The following HNF1A variants were observed in gnomAD, a reference collection of about 807,000 sequenced individuals.
HNF1A encodes the protein hepatocyte nuclear factor 1-alpha.
A neutral mutation model predicts 62.2 loss-of-function variants in HNF1A; 21 were observed. That is an observed-to-expected ratio of 0.34 (90% CI 0.24 to 0.49). The LOEUF (loss-of-function observed/expected upper bound fraction) is 0.49, where lower values mean the gene tolerates loss of function less well. HNF1A is among the 20% of genes least tolerant of loss of function. HNF1A has a pLI of 0.99. For missense variants in HNF1A, 687 were observed against 832.3 expected, an observed-to-expected ratio of 0.83 and a Z score of 2.15; for synonymous variants, 374 against 366.8, an observed-to-expected ratio of 1.02 and a Z score of -0.22.
chr12:120,993,729 G>T, intron 3 of HNF1A, 23 bp downstream of exon 3: 2 of 1,612,176 alleles, frequency 1.2e-6, no homozygotes, highest in Non-Finnish European at 1.7e-6. Context: ...GCGGGAAACA[G>T]TGCTGGTTTG....
Position 120,996,940 on chromosome 12 carries a change from A to G in HNF1A, c.1309+198A>G, listed in dbSNP as rs770986131. The stretch of plus-strand genomic sequence containing the variant: ...AACAGACCAAAATCTCAGCAACTCA[A>G]GCAGGGAGGCAGGCACTAAGCATAA... On this transcript the variant is annotated intron_variant, in intron 6 of 9. Transcript: ENST00000257555. This position sits in a 1 kb window ranked among gnomAD's most constrained non-coding sequence, Gnocchi z 4.5. 130 of 1,495,486 alleles carry G rather than the reference A, an allele frequency of 8.7e-5. No individual in the cohort carries two copies. Among genetic ancestry groups the G allele is most frequent in the Middle Eastern group, 6.8e-4 (4 of 5,870 alleles). The allele number at this position is 1,495,486 out of a possible 1,614,324, so 92.6% of individuals were successfully genotyped here.
At position 120,999,754 on chromosome 12, in the gene HNF1A, A is replaced by G. The variant is rs564126052; in HGVS notation, c.1768+127A>G. 26 of 1,263,754 alleles carry G rather than the reference A, an allele frequency of 2.1e-5. No individual in the cohort carries two copies. In the Admixed American group the frequency reaches 4.1e-4, roughly 20 times the overall value. The allele number at this position is 1,263,754 out of a possible 1,614,324, so 78.3% of individuals were successfully genotyped here. A position where few individuals can be genotyped will look rare whatever the true frequency, so the allele number is the denominator to read the frequency against. The stretch of plus-strand genomic sequence containing the variant: ...AGCAGGCCTAGGGCTGCTGTGAGGA[A>G]GCACTGGCAGGCGTGGAGGGGTGGG... On this transcript the variant is annotated intron_variant, in intron 9 of 9. Coordinates refer to ENST00000257555, the MANE Select transcript of HNF1A (RefSeq NM_000545.8).
chr12:120,999,036 G>A (rs1163839057), intron 7 of HNF1A, among the ~76,000 whole-genome samples: 1 of 152,188 alleles, frequency 6.6e-6, no homozygotes, highest in Admixed American at 6.5e-5. Context: ...TTGGTTTCTG[G>A]CCTCCTCCAG....
At position 120,999,481 on chromosome 12, in the gene HNF1A, A is replaced by G. The variant is rs1877309778; in HGVS notation, c.1624-2A>G. The G allele has an allele frequency of 6.2e-7, 1 of 1,613,584 alleles. No homozygotes were observed. The highest frequency in any genetic ancestry group is 1.3e-5 in the African/African-American group (1 of 74,940). ...GCTCAGGAGGCTGCTCTGCTCCCCCAGGTCTTCACCTCAGACACTGAGGCC... is the reference window on the plus strand; with the variant it reads ...GCTCAGGAGGCTGCTCTGCTCCCCCGGGTCTTCACCTCAGACACTGAGGCC... On this transcript the variant is annotated splice_acceptor_variant, in intron 8 of 9. Transcript: ENST00000257555. LOFTEE classifies it high-confidence loss of function.
rs1555211426 is a variant in HNF1A, at chr12:120,988,940, C to T, written c.434C>T (p.Ser145Phe). 1 of 1,614,244 alleles carries T rather than the reference C, an allele frequency of 6.2e-7. No individual in the cohort carries two copies. The highest frequency in any genetic ancestry group is 8.5e-7 in the Non-Finnish European group (1 of 1,180,042). Residue 145 changes from serine to phenylalanine, a missense_variant, in exon 2 of 10, where the codon TCC becomes TTC. Transcript: ENST00000257555. Reference protein sequence around the residue: ...DTTGLNQSHLSQHLNKGTPMK... With the variant: ...DTTGLNQSHLFQHLNKGTPMK... The stretch of plus-strand genomic sequence containing the variant: ...ACTGGCCTCAACCAGTCCCACCTGT[C>T]CCAACACCTCAACAAGGGCACTCCC...
chr12:120,986,506 C>T lies in HNF1A; in HGVS notation c.327-2327C>T, dbSNP rs563818907. Among the ~76,000 whole-genome samples, 3 of 152,340 alleles carry T rather than the reference C, an allele frequency of 2.0e-5. No homozygotes were observed. The East Asian group carries it at 5.8e-4, about 29-fold the overall frequency. ...GGAAAGCACAGGCTTTGGAATCACG[C>T]AGACCCAAGTTCAAATCCCAGTCTG... On this transcript the variant is annotated intron_variant, in intron 1 of 9. Transcript: ENST00000257555.
rs779098731 is a variant in HNF1A at position 120,978,900 on chromosome 12, G to A, written c.132G>A (p.Leu44=). ...ACCTCCTGGCTGGAGAAGGCCCCCT[G>A]GACAAGGGGGAGTCCTGCGGCGGCG... ...GPYLLAGEGP[L]DKGESCGGGR... is the part of the protein sequence containing the mutation. The change falls in exon 1 of 10, where the codon CTG becomes CTA. Residue 44 remains leucine, a synonymous_variant. Transcript: ENST00000257555. 4.3e-6 allele frequency: 7 copies of A among 1,613,090 alleles called. No homozygotes were observed. In the East Asian group the frequency reaches 6.7e-5, roughly 15 times the overall value.
Position 120,996,480 on chromosome 12 carries a change from T to A in HNF1A, c.1108-61T>A, listed in dbSNP as rs2135845586. The stretch of plus-strand genomic sequence containing the variant: ...CCTTGGCAGGGAGATTCTGGAGCAG[T>A]CCCTAGGGAGGCCCTGTGGGGACCC... On this transcript the variant is annotated intron_variant, in intron 5 of 9. Coordinates refer to ENST00000257555, the MANE Select transcript of HNF1A (RefSeq NM_000545.8). This position sits in a 1 kb window ranked among gnomAD's most constrained non-coding sequence, Gnocchi z 4.5. 6.2e-7 allele frequency: 1 copy of A among 1,613,300 alleles called. No homozygotes were observed. The highest frequency in any genetic ancestry group is 8.5e-7 in the Non-Finnish European group (1 of 1,179,764).
rs1169291 is a variant in HNF1A at position 120,988,261 on chromosome 12, C to T, written c.327-572C>T. ...ACCATCCATCCATCCATCATCCATC[C>T]ACCCACCCACCCACCAATCCATCCA... On this transcript the variant is annotated intron_variant, in intron 1 of 9. Coordinates refer to ENST00000257555, the MANE Select transcript of HNF1A (RefSeq NM_000545.8). Among the ~76,000 whole-genome samples the T allele has an allele frequency of 3.8e-3, 172 of 45,344 alleles. 4 individuals carry two copies. Among genetic ancestry groups the T allele is most frequent in the Middle Eastern group, 0.026 (1 of 38 alleles). The allele number at this position is 45,344 out of a possible 152,430, so 29.7% of individuals were successfully genotyped here.
intron 1 of HNF1A, among the ~76,000 whole-genome samples, chr12:120,979,965 G>A (rs778727010): frequency 2.6e-4 from 40 of 152,220 alleles, no homozygotes; most frequent in Non-Finnish European, 5.0e-4. Context: ...GGGGGATGGG[G>A]GTGTGGGGGA....
chr12:120,980,089 G>A (rs567880459), intron 1 of HNF1A, among the ~76,000 whole-genome samples: 6 of 152,172 alleles, frequency 3.9e-5, no homozygotes, highest in Non-Finnish European at 7.3e-5. Context: ...CTGTGCTGAG[G>A]TTTCACAGGA....
chr12:121,001,722 G>A lies in HNF1A; in HGVS notation c.*530G>A, dbSNP rs974593946. On this transcript the variant is annotated 3_prime_UTR_variant, in exon 10 of 10. Coordinates refer to ENST00000257555, the MANE Select transcript of HNF1A (RefSeq NM_000545.8). The stretch of plus-strand genomic sequence containing the variant: ...CCAGCTAGTGACCCACATGCCATTT[G>A]TACTGACCCCATCACCTACTCACAC... The A allele has an allele frequency of 3.8e-6, 2 of 522,186 alleles. No individual in the cohort carries two copies. Among genetic ancestry groups the A allele is most frequent in the Admixed American group, 2.3e-5 (1 of 42,808 alleles). The allele number at this position is 522,186 out of a possible 1,614,324, so 32.3% of individuals were successfully genotyped here. A position where few individuals can be genotyped will look rare whatever the true frequency, so the allele number is the denominator to read the frequency against.
chr12:120,988,779 C>A (rs1274350545), intron 1 of HNF1A, 54 bp from the exon 2 acceptor site: 3 of 1,552,608 alleles, frequency 1.9e-6, no homozygotes, highest in South Asian at 2.2e-5. Flanking sequence ...CGCAGCCCCA[C>A]CTATGGGGAG....
intron 2 of HNF1A, 102 bp from the exon 3 acceptor site, chr12:120,993,418 C>A: frequency 8.6e-7 from 1 of 1,162,958 alleles, no homozygotes; most frequent in Non-Finnish European, 1.3e-6. Flanking sequence ...TCCTCTGGTT[C>A]AGCGCCATGG....
Position 120,993,696 on chromosome 12 carries a change from G to A in HNF1A, c.703G>A (p.Glu235Lys). ...SKEERETLVEECNRAECIQRG... is the reference protein window; with the variant it reads ...SKEERETLVEKCNRAECIQRG... ...GGAGGAGCGAGAGACGCTAGTGGAGGAGTGCAATAGGTACAACGGCGGGCG... is the reference window on the plus strand; with the variant it reads ...GGAGGAGCGAGAGACGCTAGTGGAGAAGTGCAATAGGTACAACGGCGGGCG... The change falls in exon 3 of 10, where the codon GAG becomes AAG. Residue 235 changes from glutamate (E) to lysine (K), a missense_variant. Glu to Lys is a moderately conservative substitution (Grantham distance 56, BLOSUM62 1). This residue lies in a region of HNF1A where 47 missense variants were observed against 109.4 expected (regional missense o/e 0.43). Transcript: ENST00000257555. 1 of 1,613,940 alleles carries A rather than the reference G, an allele frequency of 6.2e-7. No homozygotes were observed. Among genetic ancestry groups the A allele is most frequent in the African/African-American group, 1.3e-5 (1 of 75,036 alleles).
intron 1 of HNF1A, among the ~76,000 whole-genome samples, chr12:120,988,527 G>T (rs1876647257): frequency 1.3e-5 from 2 of 152,294 alleles, no homozygotes; most frequent in East Asian, 3.9e-4. Context: ...GTGTGTCTGT[G>T]TATCCATGTT....
In HNF1A at chr12:120,978,923, G is replaced by C. The variant is rs142318174; in HGVS notation, c.155G>C (p.Gly52Ala). Reference sequence around the variant, plus strand: ...CTGGACAAGGGGGAGTCCTGCGGCGGCGGTCGAGGGGAGCTGGCTGAGCTG... The same window carrying C: ...CTGGACAAGGGGGAGTCCTGCGGCGCCGGTCGAGGGGAGCTGGCTGAGCTG... Reference protein sequence around the residue: ...GPLDKGESCGGGRGELAELPN... With the variant: ...GPLDKGESCGAGRGELAELPN... Residue 52 changes from glycine to alanine, a missense_variant, in exon 1 of 10, where the codon GGC becomes GCC. Physicochemically the swap from Gly to Ala is moderately conservative, Grantham distance 60. Coordinates refer to ENST00000257555, the MANE Select transcript of HNF1A (RefSeq NM_000545.8). The C allele has an allele frequency of 1.3e-4, 204 of 1,611,098 alleles. No individual in the cohort carries two copies. In the African/African-American group the frequency reaches 2.4e-3, roughly 19 times the overall value.
chr12:120,994,506 T>G, intron 4 of HNF1A, 101 bp downstream of exon 4: 1 of 1,368,016 alleles, frequency 7.3e-7, no homozygotes, highest in Non-Finnish European at 1.0e-6. Flanking sequence ...CACTTCAGTT[T>G]GGTTCCATTC....
Position 120,996,998 on chromosome 12 carries a change from G to A in HNF1A, c.1309+256G>A. On this transcript the variant is annotated intron_variant, in intron 6 of 9. Coordinates refer to ENST00000257555, the MANE Select transcript of HNF1A (RefSeq NM_000545.8). The surrounding 1 kb of genome is among the most constrained non-coding windows in gnomAD (Gnocchi z 4.5). ...ATTCTGTGGTACCTCAGAAGGTGAA[G>A]GGTCTATGGGCAAATTACAGCAGGG... 6.6e-7 allele frequency: 1 copy of A among 1,516,904 alleles called. No individual in the cohort carries two copies. The highest frequency in any genetic ancestry group is 2.6e-5 in the East Asian group (1 of 38,758). 94.0% of individuals were successfully genotyped at this position (1,516,904 alleles called of 1,614,324 possible). A position where few individuals can be genotyped will look rare whatever the true frequency, so the allele number is the denominator to read the frequency against.
Sources: gnomAD v4.1 joint callset for allele counts (sites outside exome capture counted in the v4.1 genomes callset) on GRCh38, gnomAD v4.1.1 for gene constraint, gnomAD v4.1.1 regional missense constraint, Gnocchi (gnomAD v3.1) non-coding constraint, MANE v1.5 for transcripts, NCBI Gene and HGNC (gene_info 2026-07-23, HGNC 2026-07-21) for gene names.